Variants in WWOX observed in about 807,000 individuals in gnomAD.
The protein encoded by WWOX is WW domain-containing oxidoreductase.
In WWOX, 69 loss-of-function variants were observed where a neutral mutation model predicts 46.2. The ratio of observed to expected loss-of-function variants is 1.49; its 90% CI spans 1.23 to 1.82. WWOX has a LOEUF of 1.82. WWOX is among the 40% of genes most tolerant of loss of function. The probability of loss-of-function intolerance (pLI) is 0.00; values close to 1 mark genes in which losing one functional copy is unlikely to be tolerated. For missense variants in WWOX, 919 were observed against 542.6 expected, an observed-to-expected ratio of 1.69 and a Z score of -6.89; for synonymous variants, 359 against 202.6, an observed-to-expected ratio of 1.77 and a Z score of -6.56.
chr16:78,481,764 T>TGTGTTTGCGC (rs149940474), intron 8 of WWOX, among the ~76,000 whole-genome samples: 73 of 148,036 alleles, frequency 4.9e-4, no homozygotes, highest in African/African-American at 1.8e-3. Flanking sequence ...TGTGTGTGTG[T>TGTGTTTGCGC]GCGCGCGCCT....
intron 6 of WWOX, among the ~76,000 whole-genome samples, chr16:78,394,646 T>A (rs2151939834): frequency 6.6e-6 from 1 of 152,310 alleles, no homozygotes; most frequent in Non-Finnish European, 1.5e-5. Flanking sequence ...AGAGAGTGAA[T>A]ATTTGAGAAT....
intron 8 of WWOX, chr16:78,535,335 G>A (rs111902985): frequency 1.3e-5 from 2 of 152,318 alleles, no homozygotes; most frequent in African/African-American, 4.8e-5. Flanking sequence ...TGGATGATAT[G>A]GGTAATGACT....
intron 8 of WWOX, among the ~76,000 whole-genome samples, chr16:79,069,178 G>A (rs971398779): frequency 6.6e-6 from 1 of 152,146 alleles, no homozygotes; most frequent in Non-Finnish European, 1.5e-5. Flanking sequence ...AATGCACCTG[G>A]GTATCCTCTT....
At position 78,575,038 on chromosome 16, in the gene WWOX, T is replaced by A. The variant is rs1418222726; in HGVS notation, c.1056+142286T>A. Among the ~76,000 whole-genome samples the A allele has an allele frequency of 5.6e-3, 17 of 3,034 alleles. 1 individual carries two copies. Among genetic ancestry groups the A allele is most frequent in the South Asian group, 0.022 (2 of 92 alleles). 2.0% of individuals were successfully genotyped at this position (3,034 alleles called of 152,430 possible). On this transcript the variant is annotated intron_variant, in intron 8 of 8. Transcript: ENST00000566780. ...ATATATATAAATATATATATATATATATATATATATATATATATATATATA... is the reference window on the plus strand; with the variant it reads ...ATATATATAAATATATATATATATAAATATATATATATATATATATATATA...
intron 8 of WWOX, among the ~76,000 whole-genome samples, chr16:78,734,339 C>T (rs1360009211): frequency 6.6e-6 from 1 of 152,044 alleles, no homozygotes; most frequent in Non-Finnish European, 1.5e-5. Flanking sequence ...GCTTAGGAGT[C>T]CTGAATTTAT....
At chr16:79,181,685 A>G (rs1211193575) in intron 8 of WWOX, among the ~76,000 whole-genome samples, 1 of 152,058 alleles carries the variant, frequency 6.6e-6, no homozygotes, top group East Asian at 1.9e-4. Flanking sequence ...GCTGAGATGA[A>G]CATCTTTCTG....
Position 78,571,279 on chromosome 16 carries a change from G to A in WWOX, c.1056+138527G>A, listed in dbSNP as rs78090752. 9.2e-5 allele frequency among the ~76,000 whole-genome samples: 14 copies of A among 152,226 alleles called. No individual in the cohort carries two copies. In the East Asian group the frequency reaches 2.5e-3, roughly 27 times the overall value. On this transcript the variant is annotated intron_variant, in intron 8 of 8. Coordinates refer to ENST00000566780, the MANE Select transcript of WWOX (RefSeq NM_016373.4). Reference sequence around the variant, plus strand: ...TATGAGCCAGTAATGGTTTAGAAAGGTAAATGACTTGCCCAAGGTCATACA... The same window carrying A: ...TATGAGCCAGTAATGGTTTAGAAAGATAAATGACTTGCCCAAGGTCATACA...
At chr16:78,689,621 C>G (rs1390061629) in intron 8 of WWOX, among the ~76,000 whole-genome samples, 1 of 152,150 alleles carries the variant, frequency 6.6e-6, no homozygotes, top group Non-Finnish European at 1.5e-5. Context: ...ATCCTGCTAA[C>G]TTGGTTAAGT....
At chr16:78,400,429 C>CG (rs1203829642) in intron 6 of WWOX, among the ~76,000 whole-genome samples, 8 of 152,122 alleles carry the variant, frequency 5.3e-5, no homozygotes, top group Non-Finnish European at 1.2e-4. Flanking sequence ...AGCTGGGAAT[C>CG]GAACACTGCA....
chr16:78,818,216 C>G (rs899083057), intron 8 of WWOX, among the ~76,000 whole-genome samples: 4 of 152,226 alleles, frequency 2.6e-5, no homozygotes, highest in African/African-American at 9.6e-5. Flanking sequence ...AGGCTAATGG[C>G]TGAAGGCTAC....
chr16:78,882,616 TA>T (rs773550616), intron 8 of WWOX, among the ~76,000 whole-genome samples: 2 of 135,604 alleles, frequency 1.5e-5, no homozygotes, highest in Non-Finnish European at 3.2e-5. Context: ...GCCTCCCGAG[TA>T]GCTGGGATTA....
chr16:78,562,634 A>G (rs753949442), intron 8 of WWOX, among the ~76,000 whole-genome samples: 4 of 152,172 alleles, frequency 2.6e-5, no homozygotes, highest in Non-Finnish European at 5.9e-5. Flanking sequence ...TTCCATACAT[A>G]GCTCTTTGTC....
intron 8 of WWOX, among the ~76,000 whole-genome samples, chr16:78,878,323 G>C (rs1362578736): frequency 6.6e-6 from 1 of 152,162 alleles, no homozygotes; most frequent in South Asian, 2.1e-4. Context: ...GGGAAGTACA[G>C]ACTTTGCAGG....
chr16:79,191,220 AT>A (rs534243485), intron 8 of WWOX, among the ~76,000 whole-genome samples: 1 of 151,276 alleles, frequency 6.6e-6, no homozygotes, highest in Admixed American at 6.6e-5. Flanking sequence ...CACCTGGCTA[AT>A]TTTTTTTGTA....
chr16:78,623,693 C>A (rs146328766), intron 8 of WWOX, among the ~76,000 whole-genome samples: 1 of 148,598 alleles, frequency 6.7e-6, no homozygotes, highest in East Asian at 2.0e-4. Context: ...TGAGTCATGT[C>A]ACTGCACCTC....
In WWOX at chr16:78,348,817, A is replaced by G. The variant is rs1175753040; in HGVS notation, c.517-38043A>G. On this transcript the variant is annotated intron_variant, in intron 5 of 8. Coordinates refer to ENST00000566780, the MANE Select transcript of WWOX (RefSeq NM_016373.4). ...AGGGTCAGGTAGCTATAAGCAAAAT[A>G]CAAGAGAAATATAAGAGAAAGAAAG... 1.7e-5 allele frequency among the ~76,000 whole-genome samples: 2 copies of G among 120,906 alleles called. 1 individual carries two copies. Among genetic ancestry groups the G allele is most frequent in the Non-Finnish European group, 3.9e-5 (2 of 50,650 alleles). The allele number at this position is 120,906 out of a possible 152,430, so 79.3% of individuals were successfully genotyped here.
intron 5 of WWOX, among the ~76,000 whole-genome samples, chr16:78,221,630 C>T (rs1319342800): frequency 6.6e-6 from 1 of 152,292 alleles, no homozygotes; most frequent in Middle Eastern, 3.4e-3. Context: ...CTATAGCCTT[C>T]CTCATATTTT....
At chr16:78,309,456 C>T (rs1217908017) in intron 5 of WWOX, among the ~76,000 whole-genome samples, 4 of 152,158 alleles carry the variant, frequency 2.6e-5, no homozygotes, top group Admixed American at 6.5e-5. Flanking sequence ...TAATATACCA[C>T]GTATGACTTG....
intron 8 of WWOX, among the ~76,000 whole-genome samples, chr16:78,780,243 G>C (rs2050290433): frequency 6.6e-6 from 1 of 152,148 alleles, no homozygotes; most frequent in East Asian, 1.9e-4. Context: ...ATCTCTGGAA[G>C]CTGGGGGTCA....
Sources: allele counts gnomAD v4.1 joint callset (sites outside exome capture counted in the v4.1 genomes callset), GRCh38; gene constraint gnomAD v4.1.1; transcripts MANE v1.5; gene names NCBI Gene and HGNC (gene_info 2026-07-23, HGNC 2026-07-21).